The following ERBB4 variants were observed in gnomAD, a reference collection of about 807,000 sequenced individuals.
The protein encoded by ERBB4 is receptor tyrosine-protein kinase erbB-4.
In ERBB4, 42 loss-of-function variants were observed where a neutral mutation model predicts 158.0. The observed-to-expected ratio is 0.27, with a 90% CI of 0.21 to 0.34. ERBB4 has a LOEUF of 0.34. Among genes scored for constraint, ERBB4 ranks in the 10% least tolerant of loss-of-function variants. The pLI, the probability that ERBB4 is intolerant of heterozygous loss-of-function variation, is 1.00. For synonymous variants in ERBB4, 583 were observed against 558.7 expected (o/e 1.04, Z -0.61); for missense variants, 1,333 against 1,624.1 (o/e 0.82, Z 3.08).
intron 1 of ERBB4, among the ~76,000 whole-genome samples, chr2:212,180,011 T>C (rs972528027): frequency 1.7e-4 from 26 of 151,726 alleles, no homozygotes; most frequent in African/African-American, 6.3e-4. Flanking sequence ...ATTTGATGCA[T>C]ATTATCATAA....
intron 20 of ERBB4, among the ~76,000 whole-genome samples, chr2:211,463,606 C>T (rs1210444160): frequency 6.6e-6 from 1 of 152,118 alleles, no homozygotes; most frequent in Non-Finnish European, 1.5e-5. Flanking sequence ...ACATAGGAAG[C>T]AGCTGGGAGC....
chr2:211,613,306 C>T (rs764624395), intron 19 of ERBB4, among the ~76,000 whole-genome samples: 18 of 151,780 alleles, frequency 1.2e-4, no homozygotes, highest in African/African-American at 3.1e-4. Context: ...TGAATCTAAG[C>T]GGGCTGCAGA....
At chr2:212,518,556 C>G (rs920279693) in intron 1 of ERBB4, among the ~76,000 whole-genome samples, 8 of 151,644 alleles carry the variant, frequency 5.3e-5, no homozygotes, top group Non-Finnish European at 1.2e-4. Flanking sequence ...CATGAAACCA[C>G]TAAGAATCAA....
At chr2:212,194,597 C>G (rs557418684) in intron 1 of ERBB4, among the ~76,000 whole-genome samples, 1 of 152,046 alleles carries the variant, frequency 6.6e-6, no homozygotes, top group Admixed American at 6.6e-5. Context: ...AATGCACTAA[C>G]CTATTCAGAA....
chr2:211,507,588 T>C (rs962584764), intron 20 of ERBB4, among the ~76,000 whole-genome samples: 1 of 151,632 alleles, frequency 6.6e-6, no homozygotes, highest in African/African-American at 2.4e-5. Context: ...CCAGAAATAA[T>C]CCCACATACC....
intron 1 of ERBB4, among the ~76,000 whole-genome samples, chr2:212,214,574 A>G (rs2083037984): frequency 6.6e-6 from 1 of 151,778 alleles, no homozygotes; most frequent in East Asian, 1.9e-4. Flanking sequence ...AACCACAATA[A>G]GATACCATCA....
Position 211,937,788 on chromosome 2 carries a change from A to G in ERBB4, c.421+9642T>C, listed in dbSNP as rs145147608. ...ATTATCTCCACCTGGTCCCTCCTATAACACATGGGGATTACGGGAACTACA... is the reference window on the plus strand; with the variant it reads ...ATTATCTCCACCTGGTCCCTCCTATGACACATGGGGATTACGGGAACTACA... On this transcript the variant is annotated intron_variant, in intron 3 of 27. Transcript: ENST00000342788. Among the ~76,000 whole-genome samples, 198 of 152,254 alleles carry G rather than the reference A, an allele frequency of 1.3e-3. 1 individual carries two copies. Among genetic ancestry groups the G allele is most frequent in the Middle Eastern group, 3.4e-3 (1 of 294 alleles).
chr2:211,560,631 A>G (rs1320726439), intron 20 of ERBB4, among the ~76,000 whole-genome samples: 3 of 152,088 alleles, frequency 2.0e-5, no homozygotes, highest in Non-Finnish European at 2.9e-5. Flanking sequence ...GTTCTATTGC[A>G]TATTTAACTC....
chr2:211,988,405 T>C (rs934151292), intron 2 of ERBB4, among the ~76,000 whole-genome samples: 28 of 152,092 alleles, frequency 1.8e-4, no homozygotes, highest in Non-Finnish European at 3.5e-4. Flanking sequence ...TAAAATGATA[T>C]AAGAAACATT....
At chr2:211,428,588 T>A (rs946937020) in intron 21 of ERBB4, 105 bp from the exon 22 acceptor site, 2 of 663,898 alleles carry the variant, frequency 3.0e-6, no homozygotes, top group African/African-American at 1.8e-5. Context: ...CATATTTTTT[T>A]ATTATGTGTG....
chr2:211,534,964 A>C (rs1192729871), intron 20 of ERBB4, among the ~76,000 whole-genome samples: 4 of 152,022 alleles, frequency 2.6e-5, no homozygotes, highest in Non-Finnish European at 5.9e-5. Context: ...TGGTCTTTCT[A>C]TTGTTACCAT....
At chr2:212,018,457 G>A (rs190205467) in intron 2 of ERBB4, among the ~76,000 whole-genome samples, 1 of 152,200 alleles carries the variant, frequency 6.6e-6, no homozygotes, top group Non-Finnish European at 1.5e-5. Context: ...ATTCTACCTT[G>A]ATGTATTTGG....
chr2:211,726,404 T>C (rs1342018618), intron 5 of ERBB4, among the ~76,000 whole-genome samples: 1 of 152,164 alleles, frequency 6.6e-6, no homozygotes, highest in East Asian at 1.9e-4. Flanking sequence ...CATTTTGATA[T>C]GCAAGGTGTA....
At chr2:211,470,790 AT>A in intron 20 of ERBB4, among the ~76,000 whole-genome samples, 1 of 152,314 alleles carries the variant, frequency 6.6e-6, no homozygotes, top group Non-Finnish European at 1.5e-5. Context: ...AAGCAACGAG[AT>A]TCTAAAAACA....
At chr2:211,551,260 T>C (rs2067089063) in intron 20 of ERBB4, among the ~76,000 whole-genome samples, 1 of 152,204 alleles carries the variant, frequency 6.6e-6, no homozygotes, top group South Asian at 2.1e-4. Context: ...AAAGGTCTGA[T>C]GACAATTAAT....
At chr2:211,430,923 T>G (rs747845519) in intron 21 of ERBB4, 22 bp downstream of exon 21, 1 of 1,592,228 alleles carries the variant, frequency 6.3e-7, no homozygotes, top group Admixed American at 1.7e-5. Context: ...TCAAGCAAGA[T>G]TGCTCTCAAA....
chr2:211,653,550 T>C (rs1019702842), intron 16 of ERBB4, among the ~76,000 whole-genome samples: 1 of 143,104 alleles, frequency 7.0e-6, no homozygotes, highest in African/African-American at 2.6e-5. Context: ...CTATGAACAC[T>C]AAATATTTTG....
intron 3 of ERBB4, among the ~76,000 whole-genome samples, chr2:211,908,180 A>G (rs1254468611): frequency 6.6e-6 from 1 of 151,784 alleles, no homozygotes. Context: ...ATGGGCCCTG[A>G]GCGGTTAAGG....
At chr2:211,972,986 C>A (rs1361198278) in intron 2 of ERBB4, among the ~76,000 whole-genome samples, 1 of 150,674 alleles carries the variant, frequency 6.6e-6, no homozygotes, top group Non-Finnish European at 1.5e-5. Flanking sequence ...GAGAAACAAC[C>A]TAAAAAATGG....
Sources: allele counts gnomAD v4.1 joint callset (sites outside exome capture counted in the v4.1 genomes callset), GRCh38; gene constraint gnomAD v4.1.1; transcripts MANE v1.5; gene names NCBI Gene and HGNC (gene_info 2026-07-23, HGNC 2026-07-21).